The following DMD variants were observed in gnomAD, a reference collection of about 807,000 sequenced individuals.
The protein encoded by DMD is mutant dystrophin.
DMD carries 63 observed loss-of-function variants against 330.1 expected under a neutral mutation model. The ratio of observed to expected loss-of-function variants is 0.19; its 90% CI spans 0.16 to 0.24. The LOEUF is 0.24. DMD is among the 10% of genes least tolerant of loss of function. The pLI, the probability that DMD is intolerant of heterozygous loss-of-function variation, is 1.00. For synonymous variants in DMD, 1,223 were observed against 959.8 expected (o/e 1.27, Z -5.07); for missense variants, 3,344 against 2,684.1 (o/e 1.25, Z -5.43).
chrX:31,967,724 G>A (rs2095364389), intron 45 of DMD, among the ~76,000 whole-genome samples: 1 of 111,378 alleles, frequency 9.0e-6, no homozygotes, highest in Non-Finnish European at 1.9e-5. Context: ...AACTCTCTAG[G>A]CTTTCCAACT....
intron 2 of DMD, among the ~76,000 whole-genome samples, chrX:33,002,908 A>G (rs1462247041): frequency 1.8e-5 from 2 of 108,264 alleles, no homozygotes; most frequent in Non-Finnish European, 3.8e-5. Flanking sequence ...AAAAGAAAAA[A>G]TTCCTCAGGG....
chrX:32,206,840 C>A, intron 44 of DMD: 1 of 334,527 alleles, frequency 3.0e-6, no homozygotes, highest in East Asian at 5.5e-5. Context: ...GAGAACCTTC[C>A]CTACCATGTT....
At chrX:31,671,227 T>C (rs958885998) in intron 53 of DMD, among the ~76,000 whole-genome samples, 1 of 112,393 alleles carries the variant, frequency 8.9e-6, no homozygotes, top group Admixed American at 9.3e-5. Flanking sequence ...CTTCTATTCT[T>C]CATTTGTTAA....
intron 60 of DMD, among the ~76,000 whole-genome samples, chrX:31,437,809 GAT>G (rs34012169): frequency 0.15 from 15,296 of 100,080 alleles, 959 homozygotes; most frequent in East Asian, 0.29. Context: ...TTTGCATCCT[GAT>G]ATATATATAT....
At chrX:32,680,748 C>A (rs932883980) in intron 9 of DMD, among the ~76,000 whole-genome samples, 2 of 110,293 alleles carry the variant, frequency 1.8e-5, no homozygotes, top group Non-Finnish European at 3.8e-5. Flanking sequence ...CTGTCTCTCT[C>A]CCCCCATCAA....
chrX:32,536,430 A>AGG (rs2047993024), intron 17 of DMD, among the ~76,000 whole-genome samples: 2 of 111,542 alleles, frequency 1.8e-5, no homozygotes. Context: ...CAGTAGGTAC[A>AGG]AAGAAACAGA....
At chrX:33,062,889 CAT>C (rs1265955531) in intron 1 of DMD, among the ~76,000 whole-genome samples, 3 of 112,247 alleles carry the variant, frequency 2.7e-5, no homozygotes, top group South Asian at 7.3e-4. Context: ...CATCAATAAA[CAT>C]ATGACATATC....
chrX:32,054,651 C>T (rs16998256), intron 44 of DMD, among the ~76,000 whole-genome samples: 9,578 of 108,478 alleles, frequency 0.088, 476 homozygotes, highest in African/African-American at 0.18. Context: ...CATTTGCTTA[C>T]ATATCCCCGA....
chrX:31,503,448 T>C (rs1027687359), intron 56 of DMD, among the ~76,000 whole-genome samples: 1 of 112,141 alleles, frequency 8.9e-6, no homozygotes, highest in Non-Finnish European at 1.9e-5. Flanking sequence ...GGAAACTGGG[T>C]TGCCCAGCTG....
chrX:32,768,671 G>A (rs926658944), intron 7 of DMD, among the ~76,000 whole-genome samples: 3 of 111,648 alleles, frequency 2.7e-5, no homozygotes, highest in Non-Finnish European at 5.7e-5. Context: ...CTGGGACCAC[G>A]ATTTTCTTAA....
intron 44 of DMD, among the ~76,000 whole-genome samples, chrX:32,173,661 G>A (rs951394420): frequency 5.4e-5 from 6 of 111,456 alleles, no homozygotes; most frequent in Middle Eastern, 4.6e-3. Context: ...GTGAGCCACC[G>A]CAACCAGCCT....
chrX:31,770,901 C>A (rs747203720), intron 51 of DMD, among the ~76,000 whole-genome samples: 1 of 112,001 alleles, frequency 8.9e-6, no homozygotes, highest in Admixed American at 9.5e-5. Context: ...TTATTATTTT[C>A]TTCCTTCAAC....
intron 55 of DMD, among the ~76,000 whole-genome samples, chrX:31,617,458 C>T (rs770368360): frequency 4.2e-5 from 4 of 95,214 alleles, no homozygotes; most frequent in East Asian, 7.4e-4. Flanking sequence ...CACTTGAACC[C>T]GGGAGGTGGA....
chrX:32,155,077 A>G lies in DMD; in HGVS notation c.6438+61839T>C, dbSNP rs772635532. ...CTTGCTGTGTTTTTTTTTTTTTTTT[A>G]ATTTCCCCTAGAATGAATATGGTTT... On this transcript the variant is annotated intron_variant, in intron 44 of 78. Transcript: ENST00000357033. Among the ~76,000 whole-genome samples, 29 of 104,719 alleles carry G rather than the reference A, an allele frequency of 2.8e-4. No individual in the cohort carries two copies. In the East Asian group the frequency reaches 5.6e-3, roughly 20 times the overall value. The allele number at this position is 104,719 out of a possible 115,157, so 90.9% of individuals were successfully genotyped here. A position where few individuals can be genotyped will look rare whatever the true frequency, so the allele number is the denominator to read the frequency against.
chrX:32,604,642 C>T (rs780061998), intron 12 of DMD, among the ~76,000 whole-genome samples: 14 of 110,303 alleles, frequency 1.3e-4, no homozygotes, highest in African/African-American at 4.6e-4. Flanking sequence ...TAGGATTTTA[C>T]ATCTAGAAAA....
Position 32,464,632 on chromosome X carries a change from G to T in DMD, c.3230C>A (p.Ala1077Asp). 8.3e-7 allele frequency: 1 copy of T among 1,210,440 alleles called. No individual in the cohort carries two copies. Among genetic ancestry groups the T allele is most frequent in the Non-Finnish European group, 1.1e-6 (1 of 894,523 alleles). The stretch of plus-strand genomic sequence containing the variant: ...TTTTAGAATTTCTGAATCCCCAAGG[G>T]CAGGCCATTCCTCCTTCAGAAAAAC... ...VDVFLKEEWPALGDSEILKKQ... is the reference protein window; with the variant it reads ...VDVFLKEEWPDLGDSEILKKQ... Residue 1077 changes from alanine (A) to aspartate (D), a missense_variant, in exon 24 of 79, where the codon GCC (alanine) becomes GAC (aspartate). By Grantham distance (126) the Ala-to-Asp change is moderately radical. Transcript: ENST00000357033.
At chrX:32,204,838 A>C (rs1480210019) in intron 44 of DMD, among the ~76,000 whole-genome samples, 1 of 108,639 alleles carries the variant, frequency 9.2e-6, no homozygotes, top group African/African-American at 3.4e-5. Flanking sequence ...AACCACATAT[A>C]GCATGAACTA....
At chrX:32,043,076 G>C (rs1236326894) in intron 44 of DMD, among the ~76,000 whole-genome samples, 2 of 111,408 alleles carry the variant, frequency 1.8e-5, no homozygotes, top group Non-Finnish European at 3.8e-5. Flanking sequence ...TCCATGATGT[G>C]ACTATTTCAT....
chrX:32,066,243 C>A (rs1443859103), intron 44 of DMD, among the ~76,000 whole-genome samples: 1 of 111,495 alleles, frequency 9.0e-6, no homozygotes, highest in African/African-American at 3.3e-5. Flanking sequence ...GAACTTAAAT[C>A]ACAGGGGTGC....
Sources: gnomAD v4.1 joint callset for allele counts (sites outside exome capture counted in the v4.1 genomes callset) on GRCh38, gnomAD v4.1.1 for gene constraint, MANE v1.5 for transcripts, NCBI Gene and HGNC (gene_info 2026-07-23, HGNC 2026-07-21) for gene names.